The following ATG5 variants were observed in gnomAD, a reference collection of about 807,000 sequenced individuals.
ATG5 encodes autophagy protein 5.
A neutral mutation model predicts 36.5 loss-of-function variants in ATG5; 14 were observed. The observed-to-expected ratio is 0.38, with a 90% confidence interval of 0.25 to 0.60. The LOEUF is 0.60. Ranked by LOEUF, ATG5 falls within the 20% of genes least tolerant of loss-of-function variation. The pLI is 0.60. For missense variants in ATG5, 195 were observed against 326.7 expected (o/e 0.60, Z 3.11); for synonymous variants, 95 against 101.5 (o/e 0.94, Z 0.38).
At chr6:106,284,319 C>A (rs796813251) in intron 4 of ATG5, among the ~76,000 whole-genome samples, 13 of 152,184 alleles carry the variant, frequency 8.5e-5, no homozygotes, top group African/African-American at 2.9e-4. Flanking sequence ...GTCTAATTAA[C>A]CTATACCCTC....
At chr6:106,194,224 G>GT (rs1337128381) in intron 7 of ATG5, among the ~76,000 whole-genome samples, 3 of 152,026 alleles carry the variant, frequency 2.0e-5, no homozygotes, top group Non-Finnish European at 4.4e-5. Context: ...GGGAATTGGA[G>GT]TTTTTTTTAT....
chr6:106,209,629 T>C (rs941907802), intron 6 of ATG5, among the ~76,000 whole-genome samples: 1 of 152,112 alleles, frequency 6.6e-6, no homozygotes, highest in Non-Finnish European at 1.5e-5. Flanking sequence ...TTTACATATG[T>C]GATAAAGATT....
chr6:106,258,188 G>A (rs1194410275), intron 5 of ATG5, among the ~76,000 whole-genome samples: 1 of 122,300 alleles, frequency 8.2e-6, no homozygotes, highest in Non-Finnish European at 1.6e-5. Flanking sequence ...ATACAACATA[G>A]GTAGATCCCG....
At chr6:106,293,583 GTCT>G (rs1233535604) in intron 3 of ATG5, among the ~76,000 whole-genome samples, 2 of 152,070 alleles carry the variant, frequency 1.3e-5, no homozygotes, top group Non-Finnish European at 2.9e-5. Flanking sequence ...TACATTTCCA[GTCT>G]TCTACCTACA....
At chr6:106,240,109 CA>C (rs938809379) in intron 6 of ATG5, among the ~76,000 whole-genome samples, 2 of 151,840 alleles carry the variant, frequency 1.3e-5, no homozygotes, top group Non-Finnish European at 2.9e-5. Context: ...GCTCCCACCA[CA>C]GAATCCCAAA....
chr6:106,298,830 T>TG (rs1294963878), intron 3 of ATG5, among the ~76,000 whole-genome samples: 1 of 152,230 alleles, frequency 6.6e-6, no homozygotes, highest in African/African-American at 2.4e-5. Context: ...AATCTACTGA[T>TG]ATTCAACACA....
chr6:106,230,213 T>C (rs1322001247), intron 6 of ATG5, among the ~76,000 whole-genome samples: 1 of 152,204 alleles, frequency 6.6e-6, no homozygotes, highest in Non-Finnish European at 1.5e-5. Context: ...CTGTTTGCAC[T>C]CAGCCAAGCC....
At chr6:106,269,402 C>CG (rs1232391304) in intron 5 of ATG5, among the ~76,000 whole-genome samples, 1 of 152,136 alleles carries the variant, frequency 6.6e-6, no homozygotes, top group Non-Finnish European at 1.5e-5. Flanking sequence ...CGCGCCGTGC[C>CG]CCGCACTCCT....
chr6:106,226,290 A>T (rs1777450686), intron 6 of ATG5, among the ~76,000 whole-genome samples: 1 of 152,226 alleles, frequency 6.6e-6, no homozygotes, highest in Non-Finnish European at 1.5e-5. Flanking sequence ...AAACTAAACA[A>T]GCAACAGCAA....
At chr6:106,289,542 T>C (rs1780220537) in intron 4 of ATG5, among the ~76,000 whole-genome samples, 1 of 152,186 alleles carries the variant, frequency 6.6e-6, no homozygotes, top group Non-Finnish European at 1.5e-5. Context: ...TAAGATTCTT[T>C]TTTCTATTTG....
chr6:106,287,239 T>A (rs1486822073), intron 4 of ATG5, among the ~76,000 whole-genome samples: 2 of 152,182 alleles, frequency 1.3e-5, no homozygotes, highest in Admixed American at 1.3e-4. Context: ...GATAAATTCC[T>A]TCAAAGAAAC....
At chr6:106,260,153 A>G (rs921770375) in intron 5 of ATG5, among the ~76,000 whole-genome samples, 3 of 152,202 alleles carry the variant, frequency 2.0e-5, no homozygotes, top group African/African-American at 4.8e-5. Context: ...GAAATATCCA[A>G]TGTAAATGAC....
At chr6:106,269,441 C>T (rs1176156467) in intron 5 of ATG5, among the ~76,000 whole-genome samples, 1 of 152,168 alleles carries the variant, frequency 6.6e-6, no homozygotes, top group Non-Finnish European at 1.5e-5. Flanking sequence ...TGGGACTGGG[C>T]GCCGTGGAGC....
intron 5 of ATG5, among the ~76,000 whole-genome samples, chr6:106,262,538 A>T (rs1779061789): frequency 6.6e-6 from 1 of 152,210 alleles, no homozygotes. Context: ...TAAAGTTCTT[A>T]AAAAGTTTTC....
At chr6:106,231,474 T>C (rs1434981626) in intron 6 of ATG5, among the ~76,000 whole-genome samples, 1 of 151,976 alleles carries the variant, frequency 6.6e-6, no homozygotes, top group East Asian at 1.9e-4. Context: ...AATCAGAACA[T>C]GGAGATTGGT....
chr6:106,316,211 T>C lies in ATG5; in HGVS notation c.-3A>G. Reference sequence around the variant, plus strand: ...AGCACATCTTTGTCATCTGTCATTCTTCCAGGAGTTAAAGCAGTACATACA... The same window carrying C: ...AGCACATCTTTGTCATCTGTCATTCCTCCAGGAGTTAAAGCAGTACATACA... On this transcript the variant is annotated 5_prime_UTR_variant, in exon 2 of 8. Coordinates refer to ENST00000369076, the MANE Select transcript of ATG5 (RefSeq NM_004849.4). The C allele has an allele frequency of 6.2e-7, 1 of 1,612,708 alleles. No individual in the cohort carries two copies. Among genetic ancestry groups the C allele is most frequent in the Non-Finnish European group, 8.5e-7 (1 of 1,178,936 alleles).
intron 6 of ATG5, among the ~76,000 whole-genome samples, chr6:106,204,249 A>G (rs182612378): frequency 6.2e-4 from 94 of 152,298 alleles, no homozygotes; most frequent in African/African-American, 2.2e-3. Flanking sequence ...AATAAATAAA[A>G]ATAAGTAGAA....
intron 7 of ATG5, among the ~76,000 whole-genome samples, chr6:106,196,636 T>C (rs1017667334): frequency 2.0e-5 from 3 of 151,954 alleles, no homozygotes; most frequent in Non-Finnish European, 2.9e-5. Flanking sequence ...AAGCACAAGA[T>C]TGCTTGAACC....
chr6:106,235,306 T>C (rs1382929986), intron 6 of ATG5, among the ~76,000 whole-genome samples: 1 of 152,168 alleles, frequency 6.6e-6, no homozygotes, highest in African/African-American at 2.4e-5. Flanking sequence ...AGATCTACCG[T>C]GGACCCCTGG....
Sources: gnomAD v4.1 joint callset for allele counts (sites outside exome capture counted in the v4.1 genomes callset) on GRCh38, gnomAD v4.1.1 for gene constraint, MANE v1.5 for transcripts, NCBI Gene and HGNC (gene_info 2026-07-23, HGNC 2026-07-21) for gene names.